The following CTNNA3 variants were observed in gnomAD, a reference collection of about 807,000 sequenced individuals.
CTNNA3 encodes the protein catenin alpha 3.
Under a neutral mutation model 95.7 loss-of-function variants are expected in CTNNA3, and 76 were observed. That is an observed-to-expected ratio of 0.79 (90% confidence interval 0.66 to 0.96). CTNNA3 has a LOEUF of 0.96. Ranked by LOEUF, CTNNA3 falls within the 40% of genes least tolerant of loss-of-function variation. The pLI is 0.00. For synonymous variants in CTNNA3, 431 were observed against 374.4 expected (o/e 1.15, Z -1.74); for missense variants, 1,191 against 1,089.8 (o/e 1.09, Z -1.31).
At position 65,986,886 on chromosome 10, in the gene CTNNA3, A is replaced by G. The variant is rs908212125; in HGVS notation, c.2265+1806T>C. Among the ~76,000 whole-genome samples, 34 of 151,932 alleles carry G rather than the reference A, an allele frequency of 2.2e-4. 1 individual carries two copies. The highest frequency in any genetic ancestry group is 7.7e-4 in the African/African-American group (32 of 41,430). The stretch of plus-strand genomic sequence containing the variant: ...AAACCACATAGACCACTGGAACAGA[A>G]TGGAGAACCCAAAAATAAATTCACA... On this transcript the variant is annotated intron_variant, in intron 16 of 17. Transcript: ENST00000433211.
At chr10:67,031,474 G>T (rs536442422) in intron 7 of CTNNA3, among the ~76,000 whole-genome samples, 45 of 152,222 alleles carry the variant, frequency 3.0e-4, no homozygotes, top group African/African-American at 1.1e-3. Flanking sequence ...TCACTTCAAA[G>T]ATTTTCAAGA....
chr10:66,595,827 A>ATTTATTTATTTT (rs1366513536), intron 10 of CTNNA3, among the ~76,000 whole-genome samples: 3 of 151,482 alleles, frequency 2.0e-5, no homozygotes, highest in African/African-American at 7.3e-5. Context: ...TTATTTATTT[A>ATTTATTTATTTT]TTTGTAGAGA....
chr10:66,331,338 G>GCTTCCTTTTTTT (rs1417713676), intron 12 of CTNNA3, among the ~76,000 whole-genome samples: 1 of 39,116 alleles, frequency 2.6e-5, no homozygotes, highest in Non-Finnish European at 5.9e-5. Flanking sequence ...TTTCCCCATT[G>GCTTCCTTTTTTT]TTTGTTTTTT....
chr10:66,651,189 A>G (rs1340313543), intron 9 of CTNNA3, among the ~76,000 whole-genome samples: 1 of 152,160 alleles, frequency 6.6e-6, no homozygotes, highest in Non-Finnish European at 1.5e-5. Context: ...CTTTAGCTAG[A>G]CACAGAGTGC....
At chr10:67,758,685 A>T (rs1841447045) in intron 1 of CTNNA3, among the ~76,000 whole-genome samples, 1 of 152,148 alleles carries the variant, frequency 6.6e-6, no homozygotes. Flanking sequence ...ATAGAGTTTT[A>T]TAGGGAATCA....
At chr10:66,016,970 T>C (rs985959995) in intron 15 of CTNNA3, among the ~76,000 whole-genome samples, 1 of 152,168 alleles carries the variant, frequency 6.6e-6, no homozygotes, top group African/African-American at 2.4e-5. Flanking sequence ...AAATAAAAAC[T>C]AATATCTCAA....
At chr10:66,199,795 AT>A (rs1564756299) in intron 13 of CTNNA3, among the ~76,000 whole-genome samples, 1,346 of 15,756 alleles carry the variant, frequency 0.085, 171 homozygotes, top group African/African-American at 0.23. Flanking sequence ...ATATATATAT[AT>A]ATATATATAT....
chr10:66,491,375 A>G (rs1839917227), intron 11 of CTNNA3, among the ~76,000 whole-genome samples: 1 of 152,206 alleles, frequency 6.6e-6, no homozygotes, highest in Non-Finnish European at 1.5e-5. Flanking sequence ...CCAGAACCAT[A>G]TAATCCAGCT....
intron 1 of CTNNA3, among the ~76,000 whole-genome samples, chr10:67,671,346 AC>A (rs1055208044): frequency 1.2e-4 from 18 of 151,824 alleles, no homozygotes; most frequent in African/African-American, 3.1e-4. Flanking sequence ...TCCGTTATTA[AC>A]TTCTTTTTTC....
chr10:66,225,529 A>G (rs2089238105), intron 13 of CTNNA3, among the ~76,000 whole-genome samples: 1 of 151,074 alleles, frequency 6.6e-6, no homozygotes, highest in Non-Finnish European at 1.5e-5. Flanking sequence ...GAATAGTGTT[A>G]TAATAAATAT....
chr10:66,623,677 C>T (rs1174002937), intron 9 of CTNNA3, among the ~76,000 whole-genome samples: 3 of 151,518 alleles, frequency 2.0e-5, no homozygotes, highest in South Asian at 2.1e-4. Context: ...ACTTGAACTT[C>T]TCCTTACCAG....
At chr10:66,389,303 C>G (rs1258056629) in intron 11 of CTNNA3, among the ~76,000 whole-genome samples, 3 of 151,966 alleles carry the variant, frequency 2.0e-5, no homozygotes, top group South Asian at 2.1e-4. Flanking sequence ...TATTATAGAA[C>G]AAGCACATTT....
intron 7 of CTNNA3, among the ~76,000 whole-genome samples, chr10:67,008,511 T>C (rs1852137549): frequency 6.6e-6 from 1 of 152,170 alleles, no homozygotes; most frequent in African/African-American, 2.4e-5. Context: ...TTTTTTTACT[T>C]ATAAGAACAA....
chr10:67,411,202 G>T (rs1845354615), intron 5 of CTNNA3, among the ~76,000 whole-genome samples: 1 of 152,052 alleles, frequency 6.6e-6, no homozygotes, highest in African/African-American at 2.4e-5. Context: ...GATTTTAAGT[G>T]TTCTCATTAC....
intron 13 of CTNNA3, among the ~76,000 whole-genome samples, chr10:66,204,260 G>T (rs908635858): frequency 6.6e-6 from 1 of 152,094 alleles, no homozygotes; most frequent in Admixed American, 6.6e-5. Context: ...TTACCTGGTA[G>T]CTGACTTAAC....
chr10:66,780,792 A>G (rs1439997814), intron 7 of CTNNA3, among the ~76,000 whole-genome samples: 10 of 152,216 alleles, frequency 6.6e-5, no homozygotes, highest in Non-Finnish European at 1.5e-4. Context: ...GAGAAATAGA[A>G]GACTGGATAA....
At chr10:67,182,300 G>T in intron 6 of CTNNA3, among the ~76,000 whole-genome samples, 1 of 152,078 alleles carries the variant, frequency 6.6e-6, no homozygotes, top group Non-Finnish European at 1.5e-5. Context: ...ACACCACAAG[G>T]CTACAGTAAC....
intron 5 of CTNNA3, among the ~76,000 whole-genome samples, chr10:67,348,364 TA>T (rs1386915503): frequency 6.6e-6 from 1 of 152,166 alleles, no homozygotes; most frequent in Non-Finnish European, 1.5e-5. Flanking sequence ...AAACGCAACC[TA>T]CAGAATAGGA....
At chr10:66,899,687 C>A (rs1845650750) in intron 7 of CTNNA3, among the ~76,000 whole-genome samples, 1 of 152,134 alleles carries the variant, frequency 6.6e-6, no homozygotes, top group Non-Finnish European at 1.5e-5. Flanking sequence ...ACCGGCAGAC[C>A]AGGCGATTCC....
Sources: allele counts gnomAD v4.1 joint callset (sites outside exome capture counted in the v4.1 genomes callset), GRCh38; gene constraint gnomAD v4.1.1; transcripts MANE v1.5; gene names NCBI Gene and HGNC (gene_info 2026-07-23, HGNC 2026-07-21).